The following SND1 variants were observed in gnomAD, a reference collection of about 807,000 sequenced individuals.
SND1 encodes staphylococcal nuclease domain-containing protein 1.
Under a neutral mutation model 121.7 loss-of-function variants are expected in SND1, and 38 were observed. The ratio of observed to expected loss-of-function variants is 0.31; its 90% CI spans 0.24 to 0.41. The LOEUF (loss-of-function observed/expected upper bound fraction) is 0.41. Ranked by LOEUF, SND1 falls within the 10% of genes least tolerant of loss-of-function variation. SND1 has a pLI of 1.00. For missense variants in SND1, 868 were observed against 1,184.6 expected (o/e 0.73, Z 3.92); for synonymous variants, 401 against 447.4 (o/e 0.90, Z 1.31).
intron 14 of SND1, among the ~76,000 whole-genome samples, chr7:127,916,926 A>G (rs1191452193): frequency 6.6e-6 from 1 of 152,218 alleles, no homozygotes; most frequent in East Asian, 1.9e-4. Context: ...TAGGAAATGC[A>G]TACATGTACA....
intron 9 of SND1, among the ~76,000 whole-genome samples, chr7:127,709,260 C>T (rs1265585447): frequency 2.0e-5 from 3 of 152,132 alleles, no homozygotes; most frequent in African/African-American, 7.2e-5. Flanking sequence ...TTATGCTTCC[C>T]GTAGTTAGCA....
intron 9 of SND1, among the ~76,000 whole-genome samples, chr7:127,719,725 C>G (rs369186129): frequency 1.3e-5 from 2 of 152,282 alleles, no homozygotes; most frequent in African/African-American, 4.8e-5. Context: ...TTAGAACTTT[C>G]ATTACTTTTC....
intron 11 of SND1, among the ~76,000 whole-genome samples, chr7:127,837,970 C>T (rs1798896348): frequency 6.6e-6 from 1 of 152,172 alleles, no homozygotes; most frequent in South Asian, 2.1e-4. Flanking sequence ...GGGAGGGGAA[C>T]AGGCAGGTAG....
intron 1 of SND1, among the ~76,000 whole-genome samples, chr7:127,663,540 G>A (rs999612107): frequency 6.6e-6 from 1 of 151,952 alleles, no homozygotes; most frequent in East Asian, 1.9e-4. Flanking sequence ...CCTGGCTAAT[G>A]TTTGTTTTTT....
intron 16 of SND1, among the ~76,000 whole-genome samples, chr7:128,044,224 G>A (rs928934623): frequency 6.6e-6 from 1 of 152,220 alleles, no homozygotes; most frequent in Admixed American, 6.5e-5. Flanking sequence ...TTGGGCCAAT[G>A]GCACTTGTGG....
Position 127,978,790 on chromosome 7 carries a change from G to A in SND1, c.1670-12157G>A, listed in dbSNP as rs138749398. The stretch of plus-strand genomic sequence containing the variant: ...TTACCCTGTACTATCAGGTTCAAGC[G>A]ATTCTCCTGCGTCAGCCTGCCGAGT... On this transcript the variant is annotated intron_variant, in intron 15 of 23. Transcript: ENST00000354725. Among the ~76,000 whole-genome samples, 116 of 152,212 alleles carry A rather than the reference G, an allele frequency of 7.6e-4. No homozygotes were observed. In the East Asian group the frequency reaches 0.015, roughly 19 times the overall value.
chr7:127,817,118 C>T (rs1798458336), intron 11 of SND1, among the ~76,000 whole-genome samples: 2 of 152,192 alleles, frequency 1.3e-5, no homozygotes, highest in African/African-American at 4.8e-5. Context: ...AATAAAATAT[C>T]ATCTCTGTTG....
intron 10 of SND1, among the ~76,000 whole-genome samples, chr7:127,722,144 G>A (rs1418188737): frequency 1.3e-5 from 2 of 152,004 alleles, no homozygotes; most frequent in African/African-American, 4.8e-5. Flanking sequence ...CGTCTTTCCC[G>A]CTTCTGTTTT....
At chr7:128,034,503 G>A (rs1163420665) in intron 16 of SND1, among the ~76,000 whole-genome samples, 1 of 152,146 alleles carries the variant, frequency 6.6e-6, no homozygotes, top group Non-Finnish European at 1.5e-5. Flanking sequence ...AGGCAACAGG[G>A]TCTCTGCCTG....
intron 16 of SND1, among the ~76,000 whole-genome samples, chr7:128,017,963 C>A (rs1803262696): frequency 6.6e-6 from 1 of 152,242 alleles, no homozygotes; most frequent in African/African-American, 2.4e-5. Context: ...CTGACAAGGG[C>A]TCTCTATCCA....
At chr7:128,047,194 C>A (rs1313731600) in intron 16 of SND1, among the ~76,000 whole-genome samples, 2 of 152,150 alleles carry the variant, frequency 1.3e-5, no homozygotes, top group Non-Finnish European at 2.9e-5. Flanking sequence ...TTTCCTGAGT[C>A]ACATACGAGA....
intron 16 of SND1, among the ~76,000 whole-genome samples, chr7:128,005,380 G>A (rs1419075190): frequency 6.6e-6 from 1 of 152,204 alleles, no homozygotes; most frequent in Admixed American, 6.5e-5. Context: ...GGAAATACAT[G>A]CAGGCTTACA....
chr7:127,762,104 G>GA (rs747887958), intron 10 of SND1, among the ~76,000 whole-genome samples: 1 of 152,126 alleles, frequency 6.6e-6, no homozygotes, highest in Non-Finnish European at 1.5e-5. Context: ...GGGCACAGGT[G>GA]AAAACATGGC....
chr7:128,035,445 CAT>C (rs1452872429), intron 16 of SND1, among the ~76,000 whole-genome samples: 11 of 152,186 alleles, frequency 7.2e-5, no homozygotes, highest in African/African-American at 2.4e-4. Context: ...TAAAAAGACA[CAT>C]AGATCACAGA....
intron 15 of SND1, among the ~76,000 whole-genome samples, chr7:127,929,577 G>A (rs549710522): frequency 3.0e-4 from 46 of 152,282 alleles, no homozygotes; most frequent in Non-Finnish European, 5.4e-4. Context: ...TTGCAAGCAC[G>A]CAGCCCTTAT....
chr7:127,982,094 T>G (rs1174917435), intron 15 of SND1, among the ~76,000 whole-genome samples: 1 of 152,210 alleles, frequency 6.6e-6, no homozygotes, highest in Non-Finnish European at 1.5e-5. Context: ...GGATCTACCA[T>G]TAACAGGCGA....
At chr7:128,054,810 T>G (rs1195729836) in intron 16 of SND1, among the ~76,000 whole-genome samples, 2 of 152,306 alleles carry the variant, frequency 1.3e-5, no homozygotes, top group South Asian at 4.1e-4. Context: ...ATTTAAAACT[T>G]CTGCTGCCTC....
intron 13 of SND1, among the ~76,000 whole-genome samples, chr7:127,893,235 C>T (rs1281014674): frequency 6.6e-6 from 1 of 152,112 alleles, no homozygotes; most frequent in Non-Finnish European, 1.5e-5. Context: ...TGAATTTCGT[C>T]ATCATGCTAG....
At chr7:127,675,116 G>A (rs903342806) in intron 1 of SND1, among the ~76,000 whole-genome samples, 3 of 152,200 alleles carry the variant, frequency 2.0e-5, no homozygotes, top group African/African-American at 2.4e-5. Flanking sequence ...CATGAGAATC[G>A]CTTGGGCCTG....
Sources: gnomAD v4.1 joint callset for allele counts (sites outside exome capture counted in the v4.1 genomes callset) on GRCh38, gnomAD v4.1.1 for gene constraint, MANE v1.5 for transcripts, NCBI Gene and HGNC (gene_info 2026-07-23, HGNC 2026-07-21) for gene names.